CNTNAP5: variants seen among roughly 807,000 people sequenced by gnomAD.
CNTNAP5 encodes the protein contactin-associated protein-like 5.
CNTNAP5 carries 72 observed loss-of-function variants against 150.2 expected under a neutral mutation model. The observed-to-expected ratio is 0.48, with a 90% CI of 0.40 to 0.58. The LOEUF (loss-of-function observed/expected upper bound fraction) is 0.58, where lower values mean the gene tolerates loss of function less well. Ranked by LOEUF, CNTNAP5 falls within the 20% of genes least tolerant of loss-of-function variation. CNTNAP5 has a pLI of 0.00. For missense variants in CNTNAP5, 1,636 were observed against 1,626.2 expected, an observed-to-expected ratio of 1.01 and a Z score of -0.10; for synonymous variants, 672 against 619.8, an observed-to-expected ratio of 1.08 and a Z score of -1.25.
intron 4 of CNTNAP5, among the ~76,000 whole-genome samples, chr2:124,420,421 CTA>C (rs374673707): frequency 3.2e-4 from 49 of 152,250 alleles, no homozygotes; most frequent in African/African-American, 1.1e-3. Context: ...TGGCTTCTCT[CTA>C]AAACTTCTCT....
At chr2:124,694,767 A>G (rs1178264957) in intron 13 of CNTNAP5, among the ~76,000 whole-genome samples, 2 of 152,176 alleles carry the variant, frequency 1.3e-5, no homozygotes, top group East Asian at 3.9e-4. Flanking sequence ...GAATGTATTC[A>G]TTGATTTTTT....
chr2:124,697,382 C>G (rs1367670149), intron 13 of CNTNAP5, among the ~76,000 whole-genome samples: 1 of 152,132 alleles, frequency 6.6e-6, no homozygotes, highest in Admixed American at 6.6e-5. Flanking sequence ...CTCCTCTTGG[C>G]TCTGACAGTT....
intron 19 of CNTNAP5, among the ~76,000 whole-genome samples, chr2:124,804,602 T>C (rs1682042695): frequency 1.3e-5 from 2 of 152,134 alleles, no homozygotes; most frequent in Admixed American, 6.5e-5. Context: ...ACTAGAGAAC[T>C]CTGTCTCCTG....
At chr2:124,688,100 C>T (rs1166686556) in intron 13 of CNTNAP5, among the ~76,000 whole-genome samples, 1 of 152,000 alleles carries the variant, frequency 6.6e-6, no homozygotes, top group East Asian at 1.9e-4. Context: ...ATAGTCTTTC[C>T]TGGGATTTTT....
At chr2:124,295,942 T>C (rs1384798070) in intron 3 of CNTNAP5, among the ~76,000 whole-genome samples, 1 of 152,212 alleles carries the variant, frequency 6.6e-6, no homozygotes, top group African/African-American at 2.4e-5. Context: ...CTTTAGGAAA[T>C]TAATAATAAC....
intron 1 of CNTNAP5, among the ~76,000 whole-genome samples, chr2:124,083,321 C>T (rs1033504270): frequency 3.9e-5 from 6 of 152,212 alleles, no homozygotes; most frequent in Middle Eastern, 3.4e-3. Context: ...CACTGCACTC[C>T]AGCCCTGGGC....
At chr2:124,054,156 C>T (rs1681783578) in intron 1 of CNTNAP5, among the ~76,000 whole-genome samples, 1 of 152,098 alleles carries the variant, frequency 6.6e-6, no homozygotes, top group Non-Finnish European at 1.5e-5. Context: ...CAAAAAATCC[C>T]TCAATTCAAG....
chr2:124,825,754 G>A (rs997439607), intron 19 of CNTNAP5, among the ~76,000 whole-genome samples: 1 of 152,126 alleles, frequency 6.6e-6, no homozygotes, highest in Non-Finnish European at 1.5e-5. Flanking sequence ...TATTTTTGTG[G>A]AAGACCTGCT....
Position 124,545,137 on chromosome 2 carries a change from T to C in CNTNAP5, c.1649+17681T>C, listed in dbSNP as rs150898183. Among the ~76,000 whole-genome samples, 5 of 152,314 alleles carry C rather than the reference T, an allele frequency of 3.3e-5. No individual in the cohort carries two copies. In the East Asian group the frequency reaches 9.6e-4, roughly 29 times the overall value. On this transcript the variant is annotated intron_variant, in intron 10 of 23. Coordinates refer to ENST00000682447, the MANE Select transcript of CNTNAP5 (RefSeq NM_001367498.1). ...AGAATTCATGTTAAAAAAACACACATTGTAATCTAAACATAATCCATTTAG... is the reference window on the plus strand; with the variant it reads ...AGAATTCATGTTAAAAAAACACACACTGTAATCTAAACATAATCCATTTAG...
intron 2 of CNTNAP5, among the ~76,000 whole-genome samples, chr2:124,236,700 A>C (rs935836156): frequency 6.6e-6 from 1 of 152,166 alleles, no homozygotes; most frequent in Non-Finnish European, 1.5e-5. Flanking sequence ...GCCTCACAGT[A>C]ATTTGTGAGA....
At chr2:124,483,044 G>C (rs1693796155) in intron 7 of CNTNAP5, among the ~76,000 whole-genome samples, 2 of 152,116 alleles carry the variant, frequency 1.3e-5, no homozygotes, top group African/African-American at 2.4e-5. Context: ...CCTTCTCTCA[G>C]CCTTTGCATG....
In CNTNAP5 at chr2:124,827,621, C is replaced by T. The variant is rs140906627; in HGVS notation, c.3217+29301C>T. On this transcript the variant is annotated intron_variant, in intron 19 of 23. Transcript: ENST00000682447. ...TGAGGTTAGAGGAAGGAAGTGAAGACGAACATAGTCCACTTACATATTTTT... is the reference window on the plus strand; with the variant it reads ...TGAGGTTAGAGGAAGGAAGTGAAGATGAACATAGTCCACTTACATATTTTT... Among the ~76,000 whole-genome samples, 461 of 152,180 alleles carry T rather than the reference C, an allele frequency of 3.0e-3. 2 individuals are homozygous for T. The highest frequency in any genetic ancestry group is 0.01 in the African/African-American group (428 of 41,526).
At chr2:124,247,188 T>C (rs1034651686) in intron 3 of CNTNAP5, among the ~76,000 whole-genome samples, 1 of 152,150 alleles carries the variant, frequency 6.6e-6, no homozygotes, top group Admixed American at 6.6e-5. Flanking sequence ...ACATCCTGAG[T>C]ATTGATCACT....
At chr2:124,566,515 A>G (rs1324985068) in intron 11 of CNTNAP5, among the ~76,000 whole-genome samples, 2 of 152,216 alleles carry the variant, frequency 1.3e-5, no homozygotes, top group African/African-American at 4.8e-5. Flanking sequence ...AGGAGACTCA[A>G]CACACAAAAA....
intron 12 of CNTNAP5, among the ~76,000 whole-genome samples, chr2:124,637,791 T>C (rs1384611911): frequency 6.6e-6 from 1 of 152,200 alleles, no homozygotes; most frequent in Non-Finnish European, 1.5e-5. Flanking sequence ...CTTGTGTCGT[T>C]ATGGACTCTA....
At chr2:124,641,761 G>T (rs1678099087) in intron 12 of CNTNAP5, among the ~76,000 whole-genome samples, 1 of 152,150 alleles carries the variant, frequency 6.6e-6, no homozygotes, top group Non-Finnish European at 1.5e-5. Context: ...CAATTAAGCT[G>T]GGTATTGACA....
rs1408107431 is a variant in CNTNAP5 at position 124,556,686 on chromosome 2, C to A, written c.1650-6531C>A. On this transcript the variant is annotated intron_variant, in intron 10 of 23. Coordinates refer to ENST00000682447, the MANE Select transcript of CNTNAP5 (RefSeq NM_001367498.1). ...TGATAAGTGGTGAGAGTCAGGACAG[C>A]TTCTGAAGGCCCAGCCAGCAGGAAT... Among the ~76,000 whole-genome samples, 4 of 152,154 alleles carry A rather than the reference C, an allele frequency of 2.6e-5. 1 individual carries two copies. Among genetic ancestry groups the A allele is most frequent in the African/African-American group, 9.6e-5 (4 of 41,512 alleles).
chr2:124,509,871 T>G (rs986695247), intron 8 of CNTNAP5, among the ~76,000 whole-genome samples: 3 of 152,152 alleles, frequency 2.0e-5, no homozygotes, highest in African/African-American at 4.8e-5. Flanking sequence ...GACCTTGGGA[T>G]TCACACTAGA....
intron 11 of CNTNAP5, among the ~76,000 whole-genome samples, chr2:124,602,950 G>T (rs1203632949): frequency 1.3e-5 from 2 of 151,938 alleles, no homozygotes; most frequent in African/African-American, 4.8e-5. Context: ...AATATAATCT[G>T]TTATAAAATC....
Sources: allele counts gnomAD v4.1 joint callset (sites outside exome capture counted in the v4.1 genomes callset), GRCh38; gene constraint gnomAD v4.1.1; transcripts MANE v1.5; gene names NCBI Gene and HGNC (gene_info 2026-07-23, HGNC 2026-07-21).